The following IQSEC2 variants were observed in gnomAD, a reference collection of about 807,000 sequenced individuals.
IQSEC2 encodes IQ motif and Sec7 domain ArfGEF 2.
IQSEC2 carries 6 observed loss-of-function variants against 74.6 expected under a neutral mutation model. That is an observed-to-expected ratio of 0.08 (90% CI 0.04 to 0.16). The LOEUF is 0.16. IQSEC2 is among the 10% of genes least tolerant of loss of function. IQSEC2 has a pLI of 1.00. For synonymous variants in IQSEC2, 494 were observed against 544.5 expected, an observed-to-expected ratio of 0.91 and a Z score of 1.29; for missense variants, 734 against 1,306.2, an observed-to-expected ratio of 0.56 and a Z score of 6.75.
chrX:53,267,155 A>T, intron 2 of IQSEC2: 2 of 1,079,237 alleles, frequency 1.9e-6, no homozygotes, highest in South Asian at 4.8e-5. Flanking sequence ...GAGATACGCG[A>T]AGGGCCAGGA....
chrX:53,264,465 A>C (rs1473876593), intron 2 of IQSEC2, among the ~76,000 whole-genome samples: 1 of 37,580 alleles, frequency 2.7e-5, no homozygotes, highest in East Asian at 9.8e-4. Flanking sequence ...CCACCCCCAC[A>C]CTTGCTTCTC....
At chrX:53,232,260 G>T (rs2146993247), downstream of IQSEC2, among the ~76,000 whole-genome samples, 1 of 111,601 alleles carries the variant, frequency 9.0e-6, no homozygotes, top group East Asian at 2.8e-4. Flanking sequence ...CCAGCTCTTT[G>T]TTATCTGACA....
intron 2 of IQSEC2, among the ~76,000 whole-genome samples, chrX:53,270,220 C>T (rs2074721224): frequency 9.0e-6 from 1 of 110,510 alleles, no homozygotes; most frequent in African/African-American, 3.3e-5. Flanking sequence ...TTGGAGTCAC[C>T]CTAGATTCTT....
At chrX:53,288,099 G>C (rs1556872181) in intron 2 of IQSEC2, among the ~76,000 whole-genome samples, 2 of 111,477 alleles carry the variant, frequency 1.8e-5, no homozygotes, top group Non-Finnish European at 3.8e-5. Flanking sequence ...GTGGGCAACC[G>C]GGCTGAGCCA....
chrX:53,270,646 T>G (rs2074728229), intron 2 of IQSEC2, among the ~76,000 whole-genome samples: 1 of 112,346 alleles, frequency 8.9e-6, no homozygotes, highest in Non-Finnish European at 1.9e-5. Context: ...TTTTTCTGTC[T>G]CACTCACTGT....
intron 1 of IQSEC2, among the ~76,000 whole-genome samples, chrX:53,297,747 C>G (rs1326288079): frequency 8.9e-6 from 1 of 111,906 alleles, no homozygotes; most frequent in Non-Finnish European, 1.9e-5. Flanking sequence ...GGTAATCCAT[C>G]GGACTCTTTG....
intron 5 of IQSEC2, among the ~76,000 whole-genome samples, chrX:53,249,741 C>T (rs781907402): frequency 1.8e-4 from 20 of 112,049 alleles, no homozygotes; most frequent in African/African-American, 5.8e-4. Context: ...CTCCTAAACA[C>T]CTGGCAGAAG....
rs369869832 is a variant in IQSEC2 at position 53,287,997 on chromosome X, C to T, written c.737+3898G>A. Among the ~76,000 whole-genome samples, 101 of 112,033 alleles carry T rather than the reference C, an allele frequency of 9.0e-4. 1 individual carries two copies. Among genetic ancestry groups the T allele is most frequent in the South Asian group, 3.7e-3 (10 of 2,683 alleles). ...CATCACGCTCCCATTTGGGCTGGCC[C>T]GAGCTGGCTCATCTGTGTCTGCAGC... On this transcript the variant is annotated intron_variant, in intron 2 of 14. Transcript: ENST00000642864.
At chrX:53,320,119 T>C (rs1237214475) in intron 1 of IQSEC2, among the ~76,000 whole-genome samples, 2 of 112,082 alleles carry the variant, frequency 1.8e-5, no homozygotes, top group Non-Finnish European at 3.8e-5. Context: ...ACCTATCTTC[T>C]GGCAAGGATG....
chrX:53,266,889 G>C (rs1395098249), intron 2 of IQSEC2: 43 of 602,101 alleles, frequency 7.1e-5, no homozygotes, highest in Middle Eastern at 5.9e-4. Flanking sequence ...GGGAATCTGC[G>C]GGGGGGTGGG....
At chrX:53,304,820 G>A (rs1409145454) in intron 1 of IQSEC2, among the ~76,000 whole-genome samples, 1 of 111,854 alleles carries the variant, frequency 8.9e-6, no homozygotes, top group Non-Finnish European at 1.9e-5. Context: ...AATACTATAT[G>A]TTATATAATC....
In IQSEC2 at chrX:53,235,095, G is replaced by C. The variant is rs909191485; in HGVS notation, c.3591C>G (p.Pro1197=). 7.1e-6 allele frequency: 8 copies of C among 1,133,158 alleles called. No individual in the cohort carries two copies. The East Asian group carries it at 2.5e-4, about 35-fold the overall frequency. The allele number at this position is 1,133,158 out of a possible 1,213,427, so 93.4% of individuals were successfully genotyped here. ...CCAGGAAGGATGAGGAGTTGGAGACGGGCCTCTGGCTCTTGTACTCCTCTG... is the reference window on the plus strand; with the variant it reads ...CCAGGAAGGATGAGGAGTTGGAGACCGGCCTCTGGCTCTTGTACTCCTCTG... ...PPPEEYKSQR[P]VSNSSSFLGS... is the part of the protein sequence containing the mutation. Residue 1197 remains proline (P), a synonymous_variant, in exon 15 of 15, where the codon CCC becomes CCG. Transcript: ENST00000642864.
chrX:53,251,081 G>A lies in IQSEC2; in HGVS notation c.1495C>T (p.Arg499Trp), dbSNP rs782603907. 1 of 1,211,687 alleles carries A rather than the reference G, an allele frequency of 8.3e-7. No homozygotes were observed. Among genetic ancestry groups the A allele is most frequent in the Non-Finnish European group, 1.1e-6 (1 of 895,412 alleles). The change falls in exon 5 of 15, where the codon CGG becomes TGG. Residue 499 changes from arginine (R) to tryptophan (W), a missense_variant. By Grantham distance (101) the Arg-to-Trp change is moderately radical (BLOSUM62 -3). Transcript: ENST00000642864. ...EEPGSAQLEK[R>W]ESKEQQEDSS... ...TCCTCTTGCTGTTCCTTTGACTCCC[G>A]CTTCTCCAGCTGGGCTGACCCTGGC...
chrX:53,226,788 C>G (rs1429219238), downstream of IQSEC2: 1 of 112,191 alleles, frequency 8.9e-6, no homozygotes, highest in Non-Finnish European at 1.9e-5. Flanking sequence ...CCAGCTCTGC[C>G]ATTTTCTAGT....
chrX:53,258,446 A>C (rs2074511008), intron 2 of IQSEC2, among the ~76,000 whole-genome samples: 1 of 111,917 alleles, frequency 8.9e-6, no homozygotes. Flanking sequence ...AGAGGGAGTC[A>C]ATGAATGTGC....
intron 1 of IQSEC2, among the ~76,000 whole-genome samples, chrX:53,319,286 A>T (rs1391723248): frequency 8.9e-6 from 1 of 112,379 alleles, no homozygotes; most frequent in African/African-American, 3.2e-5. Flanking sequence ...AGGACTTCAG[A>T]CTTGCTCTGT....
chrX:53,242,963 C>G (rs1454346316), intron 9 of IQSEC2, among the ~76,000 whole-genome samples: 4 of 111,148 alleles, frequency 3.6e-5, no homozygotes, highest in African/African-American at 1.3e-4. Context: ...GTCTGGAACT[C>G]CTGACCTGAG....
chrX:53,319,968 G>T (rs781874830), intron 1 of IQSEC2, among the ~76,000 whole-genome samples: 130 of 72,407 alleles, frequency 1.8e-3, no homozygotes, highest in Non-Finnish European at 2.4e-3. Flanking sequence ...GGCCAGAGGA[G>T]AAAAGATCAG....
At chrX:53,271,108 C>T (rs1294561670) in intron 2 of IQSEC2, among the ~76,000 whole-genome samples, 6 of 111,539 alleles carry the variant, frequency 5.4e-5, no homozygotes, top group African/African-American at 2.0e-4. Flanking sequence ...TAAGCCTGAC[C>T]TCTGCACCCT....
Sources: allele counts gnomAD v4.1 joint callset (sites outside exome capture counted in the v4.1 genomes callset), GRCh38; gene constraint gnomAD v4.1.1; transcripts MANE v1.5; gene names NCBI Gene and HGNC (gene_info 2026-07-23, HGNC 2026-07-21).